The following IPP variants were observed in gnomAD, a reference collection of about 807,000 sequenced individuals.
The protein encoded by IPP is actin-binding protein IPP.
Under a neutral mutation model 64.1 loss-of-function variants are expected in IPP, and 41 were observed. That is an observed-to-expected ratio of 0.64 (90% CI 0.50 to 0.83). IPP has a LOEUF of 0.83. Ranked by LOEUF, IPP falls within the 40% of genes least tolerant of loss-of-function variation. The pLI is 0.00. For synonymous variants in IPP, 214 were observed against 235.2 expected (o/e 0.91, Z 0.83); for missense variants, 649 against 703.0 (o/e 0.92, Z 0.87).
At position 45,741,243 on chromosome 1, in the gene IPP, C is replaced by T. The variant is rs1222450401; in HGVS notation, c.382G>A (p.Glu128Lys). The T allele has an allele frequency of 1.9e-6, 3 of 1,614,130 alleles. No individual in the cohort carries two copies. The highest frequency in any genetic ancestry group is 2.5e-6 in the Non-Finnish European group (3 of 1,179,986). Reference protein sequence around the residue: ...QLTEVVHLCCEFLKGQIDPLN... With the variant: ...QLTEVVHLCCKFLKGQIDPLN... Reference sequence around the variant, plus strand: ...GGATCAATTTGTCCTTTCAGAAATTCACAGCAAAGATGAACAACTTCAGTC... The same window carrying T: ...GGATCAATTTGTCCTTTCAGAAATTTACAGCAAAGATGAACAACTTCAGTC... The change falls in exon 3 of 9, where the codon GAA becomes AAA. Residue 128 changes from glutamate (E) to lysine (K), a missense_variant. By Grantham distance (56) the Glu-to-Lys change is moderately conservative. Transcript: ENST00000396478.
chr1:45,749,857 C>T (rs1350093205), intron 1 of IPP, among the ~76,000 whole-genome samples: 1 of 151,982 alleles, frequency 6.6e-6, no homozygotes, highest in African/African-American at 2.4e-5. Flanking sequence ...CAAGACCAGC[C>T]TGGGCAATAC....
At chr1:45,724,129 G>A (rs1213390710) in intron 5 of IPP, among the ~76,000 whole-genome samples, 2 of 152,168 alleles carry the variant, frequency 1.3e-5, no homozygotes, top group Admixed American at 6.5e-5. Flanking sequence ...TTGCAGGCGC[G>A]CGCCGCCACG....
At chr1:45,715,479 A>C (rs914892029) in intron 7 of IPP, among the ~76,000 whole-genome samples, 1 of 151,972 alleles carries the variant, frequency 6.6e-6, no homozygotes, top group Non-Finnish European at 1.5e-5. Context: ...ATCTCTACTA[A>C]AAATACAAAA....
chr1:45,744,623 G>A (rs1323789859), intron 2 of IPP, among the ~76,000 whole-genome samples: 2 of 152,064 alleles, frequency 1.3e-5, no homozygotes, highest in Non-Finnish European at 2.9e-5. Context: ...GGTGGATCAC[G>A]AAGTCAAGAG....
chr1:45,747,857 A>AC lies in IPP; in HGVS notation c.-50-1397_-50-1396insG, dbSNP rs1646160677. Among the ~76,000 whole-genome samples, 3 of 149,188 alleles carry AC rather than the reference A, an allele frequency of 2.0e-5. No homozygotes were observed. In the South Asian group the frequency reaches 6.3e-4, roughly 31 times the overall value. On this transcript the variant is annotated intron_variant, in intron 1 of 8. Transcript: ENST00000396478. ...CTCAAAAAAAAAAAAAAAAAAAAAA[A>AC]AAAAAAAAAACCATGAGATCCTGTA... is the stretch of plus-strand genomic sequence containing the variant.
At chr1:45,726,031 T>A (rs1170432467) in intron 5 of IPP, among the ~76,000 whole-genome samples, 1 of 146,868 alleles carries the variant, frequency 6.8e-6, no homozygotes, top group Non-Finnish European at 1.5e-5. Context: ...CCTCCACTAT[T>A]GTCCTATGAC....
At chr1:45,695,147 A>G (rs951180264), downstream of IPP, among the ~76,000 whole-genome samples, 79 of 152,166 alleles carry the variant, frequency 5.2e-4, no homozygotes, top group African/African-American at 1.8e-3. Context: ...AGAAGCTTTT[A>G]GCTTTGGTGT....
chr1:45,729,315 A>T (rs1469267140), intron 4 of IPP, among the ~76,000 whole-genome samples: 1 of 152,080 alleles, frequency 6.6e-6, no homozygotes, highest in Non-Finnish European at 1.5e-5. Flanking sequence ...CAATAATTCA[A>T]ATTTTTTACT....
intron 5 of IPP, among the ~76,000 whole-genome samples, chr1:45,724,529 GC>G (rs1645780886): frequency 2.6e-5 from 4 of 151,218 alleles, no homozygotes; most frequent in Admixed American, 2.6e-4. Flanking sequence ...CATCTAGGAA[GC>G]GAGGAGCGCC....
chr1:45,714,115 T>C, intron 8 of IPP, 131 bp downstream of exon 8: 1 of 611,762 alleles, frequency 1.6e-6, no homozygotes, highest in Non-Finnish European at 2.8e-6. Context: ...AAGTTTCTTC[T>C]TTGGAAAGAA....
intron 3 of IPP, among the ~76,000 whole-genome samples, chr1:45,737,608 A>G (rs1381634386): frequency 6.6e-6 from 1 of 151,878 alleles, no homozygotes; most frequent in East Asian, 1.9e-4. Flanking sequence ...CTACAAGCAC[A>G]TGCCACCATC....
chr1:45,717,247 A>T (rs1173533564), intron 6 of IPP, among the ~76,000 whole-genome samples: 1 of 148,974 alleles, frequency 6.7e-6, no homozygotes, highest in Non-Finnish European at 1.5e-5. Context: ...AAAAAAAAGG[A>T]ATTCAAGTCT....
chr1:45,698,880 G>A lies in IPP; in HGVS notation c.*1086C>T, dbSNP rs544261935. 68 of 313,798 alleles carry A rather than the reference G, an allele frequency of 2.2e-4. No individual in the cohort carries two copies. Among genetic ancestry groups the A allele is most frequent in the African/African-American group, 3.8e-4 (17 of 44,338 alleles). The allele number at this position is 313,798 out of a possible 1,614,324, so 19.4% of individuals were successfully genotyped here. ...ACCACAGGTACAAGCCACAACGCCC[G>A]GCTAATTTTTATATATTTTTTGGTA... On this transcript the variant is annotated 3_prime_UTR_variant, in exon 9 of 9. Transcript: ENST00000396478.
At chr1:45,715,659 G>A (rs1645648720) in intron 7 of IPP, among the ~76,000 whole-genome samples, 2 of 151,708 alleles carry the variant, frequency 1.3e-5, no homozygotes, top group Non-Finnish European at 2.9e-5. Flanking sequence ...AAAAAGAAAT[G>A]TGGGCTAAAT....
At chr1:45,703,820 AACTG>A (rs1330524950) in intron 8 of IPP, among the ~76,000 whole-genome samples, 12 of 152,232 alleles carry the variant, frequency 7.9e-5, no homozygotes, top group African/African-American at 1.2e-4. Flanking sequence ...ATTGTAACAT[AACTG>A]ACTATTTATT....
chr1:45,723,885 G>C (rs1645765730), intron 5 of IPP, among the ~76,000 whole-genome samples: 1 of 151,486 alleles, frequency 6.6e-6, no homozygotes, highest in Non-Finnish European at 1.5e-5. Context: ...ATACAGTTTG[G>C]GTGCCATGGC....
chr1:45,711,512 G>A (rs1645590575), intron 8 of IPP, among the ~76,000 whole-genome samples: 1 of 152,172 alleles, frequency 6.6e-6, no homozygotes, highest in South Asian at 2.1e-4. Flanking sequence ...CTAGCACTTT[G>A]GGAGGCCAAG....
intron 3 of IPP, among the ~76,000 whole-genome samples, chr1:45,740,220 C>T (rs1265875428): frequency 6.6e-6 from 1 of 152,192 alleles, no homozygotes; most frequent in Non-Finnish European, 1.5e-5. Flanking sequence ...CCATGTCTAC[C>T]TCTTTCTACA....
chr1:45,733,399 T>C (rs553596748), intron 3 of IPP, among the ~76,000 whole-genome samples: 1 of 151,420 alleles, frequency 6.6e-6, no homozygotes, highest in South Asian at 2.1e-4. Flanking sequence ...GACTCCAGCC[T>C]GGGTGACAAA....
Sources: gnomAD v4.1 joint callset for allele counts (sites outside exome capture counted in the v4.1 genomes callset) on GRCh38, gnomAD v4.1.1 for gene constraint, MANE v1.5 for transcripts, NCBI Gene and HGNC (gene_info 2026-07-23, HGNC 2026-07-21) for gene names.